UBR1: variants seen among roughly 807,000 people sequenced by gnomAD.
UBR1 encodes the protein ubiquitin protein ligase E3 component n-recognin 1, also known as E3 ubiquitin-protein ligase UBR1.
A neutral mutation model predicts 242.1 loss-of-function variants in UBR1; 102 were observed. That is an observed-to-expected ratio of 0.42 (90% CI 0.36 to 0.50). The LOEUF (loss-of-function observed/expected upper bound fraction) is 0.50. UBR1 is among the 20% of genes least tolerant of loss of function. The probability of loss-of-function intolerance (pLI) is 0.01; values close to 1 mark genes in which losing one functional copy is unlikely to be tolerated. For synonymous variants in UBR1, 675 were observed against 684.8 expected (o/e 0.99, Z 0.22); for missense variants, 1,772 against 2,101.8 (o/e 0.84, Z 3.07).
rs545625712 is a variant in UBR1, at chr15:43,096,139, T to C, written c.81+9803A>G. Among the ~76,000 whole-genome samples, 5 of 152,160 alleles carry C rather than the reference T, an allele frequency of 3.3e-5. No homozygotes were observed. The East Asian group carries it at 7.7e-4, about 23-fold the overall frequency. On this transcript the variant is annotated intron_variant, in intron 1 of 46. Transcript: ENST00000290650. Reference sequence around the variant, plus strand: ...AATGGCTGACTGATTAGGTTGGTGATTGCTAAACGTGGGGGTGGCTATGGC... The same window carrying C: ...AATGGCTGACTGATTAGGTTGGTGACTGCTAAACGTGGGGGTGGCTATGGC...
intron 29 of UBR1, among the ~76,000 whole-genome samples, chr15:43,015,358 C>G (rs1165272016): frequency 6.6e-6 from 1 of 151,996 alleles, no homozygotes; most frequent in East Asian, 1.9e-4. Flanking sequence ...ACCCTGTGCT[C>G]TCTGAAACAT....
intron 42 of UBR1, among the ~76,000 whole-genome samples, chr15:42,961,269 T>A (rs1305047753): frequency 6.6e-6 from 1 of 151,622 alleles, no homozygotes; most frequent in Non-Finnish European, 1.5e-5. Context: ...CACACCACCA[T>A]GCCCGGTTAA....
chr15:42,985,867 T>G (rs1027700344), intron 35 of UBR1, among the ~76,000 whole-genome samples: 1 of 151,464 alleles, frequency 6.6e-6, no homozygotes, highest in Non-Finnish European at 1.5e-5. Flanking sequence ...CACATGCCTA[T>G]GGTCCCAACT....
At chr15:42,952,495 A>G in intron 44 of UBR1, 47 bp from the exon 45 acceptor site, 1 of 1,602,706 alleles carries the variant, frequency 6.2e-7, no homozygotes, top group Non-Finnish European at 8.5e-7. Flanking sequence ...AAACAAAACA[A>G]AACAAATAAG....
chr15:43,090,133 T>C (rs1280363077), intron 1 of UBR1, among the ~76,000 whole-genome samples: 1 of 152,206 alleles, frequency 6.6e-6, no homozygotes, highest in Non-Finnish European at 1.5e-5. Flanking sequence ...TTTTATAGTC[T>C]AAGATTAAAA....
chr15:43,065,018 A>T (rs909596760), intron 6 of UBR1, among the ~76,000 whole-genome samples: 7 of 152,170 alleles, frequency 4.6e-5, no homozygotes, highest in Non-Finnish European at 8.8e-5. Flanking sequence ...CAGGGTATAA[A>T]TATATATTTA....
At position 43,098,792 on chromosome 15, in the gene UBR1, G is replaced by A. The variant is rs1392704089; in HGVS notation, c.81+7150C>T. Among the ~76,000 whole-genome samples, 6 of 152,098 alleles carry A rather than the reference G, an allele frequency of 3.9e-5. No homozygotes were observed. In the East Asian group the frequency reaches 1.2e-3, roughly 29 times the overall value. Reference sequence around the variant, plus strand: ...AAAATTTCCCTAACTCCCCAAAATAGAAATTATGAGATGGTGAAAAAACAA... The same window carrying A: ...AAAATTTCCCTAACTCCCCAAAATAAAAATTATGAGATGGTGAAAAAACAA... On this transcript the variant is annotated intron_variant, in intron 1 of 46. Coordinates refer to ENST00000290650, the MANE Select transcript of UBR1 (RefSeq NM_174916.3).
chr15:42,990,741 T>C (rs1053627412), intron 33 of UBR1, among the ~76,000 whole-genome samples: 1 of 152,210 alleles, frequency 6.6e-6, no homozygotes, highest in African/African-American at 2.4e-5. Flanking sequence ...GTTTAATGAC[T>C]GCATAAATGT....
At chr15:42,979,200 T>C (rs533622354) in intron 37 of UBR1, among the ~76,000 whole-genome samples, 99 of 149,056 alleles carry the variant, frequency 6.6e-4, no homozygotes, top group Non-Finnish European at 1.1e-3. Context: ...ACCAATTTTT[T>C]CTTTTTTTCT....
intron 33 of UBR1, among the ~76,000 whole-genome samples, chr15:42,993,365 C>CTT (rs779584895): frequency 2.8e-5 from 4 of 140,762 alleles, no homozygotes; most frequent in Admixed American, 7.1e-5. Flanking sequence ...TATGAAATGT[C>CTT]TTTTTTTTTT....
intron 34 of UBR1, 22 bp from the exon 35 acceptor site, chr15:42,988,989 T>A (rs533082576): frequency 1.9e-6 from 3 of 1,577,218 alleles, no homozygotes; most frequent in South Asian, 2.2e-5. Flanking sequence ...ACAAGAAAAT[T>A]TGTATGATTT....
intron 30 of UBR1, among the ~76,000 whole-genome samples, chr15:43,004,973 A>T (rs2032786617): frequency 6.9e-6 from 1 of 144,542 alleles, no homozygotes; most frequent in African/African-American, 2.7e-5. Context: ...AGATGTGGGG[A>T]GCACCTCTGC....
At chr15:42,990,555 C>T (rs1404132152) in intron 33 of UBR1, among the ~76,000 whole-genome samples, 1 of 152,180 alleles carries the variant, frequency 6.6e-6, no homozygotes, top group African/African-American at 2.4e-5. Context: ...ACTGAAGTTT[C>T]GCCATCCAGA....
intron 42 of UBR1, among the ~76,000 whole-genome samples, chr15:42,961,112 CTTTT>C (rs1308464766): frequency 7.1e-6 from 1 of 141,264 alleles, no homozygotes. Flanking sequence ...TATGTTCCCC[CTTTT>C]TTTTTTTTTT....
At chr15:43,077,381 C>A (rs961914531) in intron 3 of UBR1, among the ~76,000 whole-genome samples, 3 of 151,916 alleles carry the variant, frequency 2.0e-5, no homozygotes, top group Non-Finnish European at 4.4e-5. Context: ...GAAACATGTG[C>A]TGTGTCCACT....
rs144923922 is a variant in UBR1, at chr15:43,029,125, G to GCA, written c.2379+817_2379+818dup. ...TAAATAAAAACAAATACACACACAC[G>GCA]CACACACACACACATCTCTATTCTA... On this transcript the variant is annotated intron_variant, in intron 21 of 46. Coordinates refer to ENST00000290650, the MANE Select transcript of UBR1 (RefSeq NM_174916.3). Among the ~76,000 whole-genome samples, 411 of 151,064 alleles carry GCA rather than the reference G, an allele frequency of 2.7e-3. 3 individuals are homozygous for GCA. Among genetic ancestry groups the GCA allele is most frequent in the South Asian group, 2.5e-3 (12 of 4,778 alleles).
At chr15:42,949,184 A>G (rs1047784277) in intron 46 of UBR1, among the ~76,000 whole-genome samples, 1 of 151,046 alleles carries the variant, frequency 6.6e-6, no homozygotes, top group Non-Finnish European at 1.5e-5. Flanking sequence ...CAAGGACAAA[A>G]AACCAAACAC....
intron 6 of UBR1, among the ~76,000 whole-genome samples, chr15:43,060,629 AT>A (rs2033672110): frequency 6.6e-6 from 1 of 151,984 alleles, no homozygotes; most frequent in Non-Finnish European, 1.5e-5. Context: ...AAAATTCATC[AT>A]TTTCTATATG....
At chr15:43,098,843 G>T (rs982926815) in intron 1 of UBR1, among the ~76,000 whole-genome samples, 2 of 152,128 alleles carry the variant, frequency 1.3e-5, no homozygotes, top group African/African-American at 4.8e-5. Flanking sequence ...GCTAAGATCT[G>T]GTGACAAAGT....
Sources: gnomAD v4.1 joint callset for allele counts (sites outside exome capture counted in the v4.1 genomes callset) on GRCh38, gnomAD v4.1.1 for gene constraint, MANE v1.5 for transcripts, NCBI Gene and HGNC (gene_info 2026-07-23, HGNC 2026-07-21) for gene names.